The following FOXK2 variants were observed in gnomAD, a reference collection of about 807,000 sequenced individuals.
FOXK2 encodes forkhead box K2.
A neutral mutation model predicts 53.3 loss-of-function variants in FOXK2; 24 were observed. The observed-to-expected ratio is 0.45, with a 90% CI of 0.33 to 0.63. The LOEUF is 0.63. FOXK2 is among the 30% of genes least tolerant of loss of function. The probability of loss-of-function intolerance (pLI) is 0.03; values close to 1 mark genes in which losing one functional copy is unlikely to be tolerated. For missense variants in FOXK2, 952 were observed against 910.5 expected, an observed-to-expected ratio of 1.05 and a Z score of -0.59; for synonymous variants, 505 against 407.1, an observed-to-expected ratio of 1.24 and a Z score of -2.89.
In FOXK2 at chr17:82,601,747, CT is replaced by C. The variant is rs1275089406; in HGVS notation, c.*249del. On this transcript the variant is annotated 3_prime_UTR_variant, in exon 9 of 9. Coordinates refer to ENST00000335255, the MANE Select transcript of FOXK2 (RefSeq NM_004514.4). ...AGCACCTGCTGGGCTGAGCTTCTAC[CT>C]ACGAGTGAAACTCTGTCCTCCCGCG... 9 of 421,030 alleles carry C rather than the reference CT, an allele frequency of 2.1e-5. No homozygotes were observed. Among genetic ancestry groups the C allele is most frequent in the African/African-American group, 1.8e-4 (9 of 51,074 alleles). 26.1% of individuals were successfully genotyped at this position (421,030 alleles called of 1,614,324 possible). A position where few individuals can be genotyped will look rare whatever the true frequency, so the allele number is the denominator to read the frequency against.
intron 1 of FOXK2, among the ~76,000 whole-genome samples, chr17:82,556,421 G>C (rs2044725005): frequency 6.6e-6 from 1 of 151,458 alleles, no homozygotes; most frequent in Non-Finnish European, 1.5e-5. Flanking sequence ...TCCAGTCTGG[G>C]CAATAGAGTG....
At chr17:82,599,021 C>T (rs978113720) in intron 8 of FOXK2, 5 of 152,078 alleles carry the variant, frequency 3.3e-5, no homozygotes, top group African/African-American at 4.8e-5. Flanking sequence ...CCTGCCCTCT[C>T]GTTGGGCTCC....
chr17:82,601,585 GCC>G lies in FOXK2; in HGVS notation c.*88_*89del. On this transcript the variant is annotated 3_prime_UTR_variant, in exon 9 of 9. Coordinates refer to ENST00000335255, the MANE Select transcript of FOXK2 (RefSeq NM_004514.4). ...TCCCGCCAGCACTCGGGGGTGCAGG[GCC>G]CTGTGGTTGGACTTCACCTCTCAGC... The G allele has an allele frequency of 1.5e-6, 2 of 1,372,328 alleles. No individual in the cohort carries two copies. Among genetic ancestry groups the G allele is most frequent in the Non-Finnish European group, 1.9e-6 (2 of 1,026,044 alleles). The allele number at this position is 1,372,328 out of a possible 1,614,324, so 85.0% of individuals were successfully genotyped here.
chr17:82,584,246 TGGGCTC>T, intron 6 of FOXK2, 58 bp downstream of exon 6: 5 of 1,478,592 alleles, frequency 3.4e-6, no homozygotes, highest in African/African-American at 1.4e-5. Context: ...CGCGGACGCC[TGGGCTC>T]CACAGAGAAG....
chr17:82,539,560 G>A (rs1378395603), intron 1 of FOXK2, among the ~76,000 whole-genome samples: 1 of 151,962 alleles, frequency 6.6e-6, no homozygotes, highest in Admixed American at 6.6e-5. Flanking sequence ...GAGGTGGGAG[G>A]ATTGCTTGAA....
chr17:82,546,305 CG>C (rs2044625112), intron 1 of FOXK2, among the ~76,000 whole-genome samples: 1 of 151,826 alleles, frequency 6.6e-6, no homozygotes, highest in African/African-American at 2.4e-5. Context: ...TTGGTAGAGA[CG>C]GGATTTCGCC....
chr17:82,585,873 T>C (rs1370766061), intron 6 of FOXK2, 31 bp from the exon 7 acceptor site: 10 of 1,589,996 alleles, frequency 6.3e-6, no homozygotes, highest in Non-Finnish European at 7.7e-6. Context: ...TCAGTATCTG[T>C]AAGTGTCAGT....
intron 1 of FOXK2, among the ~76,000 whole-genome samples, chr17:82,550,224 T>A (rs2044662934): frequency 6.6e-6 from 1 of 152,132 alleles, no homozygotes; most frequent in Non-Finnish European, 1.5e-5. Flanking sequence ...ACAAAGAGCT[T>A]CTTTATGTCT....
chr17:82,527,487 G>GGC (rs1031703056), intron 1 of FOXK2, among the ~76,000 whole-genome samples: 9 of 152,174 alleles, frequency 5.9e-5, no homozygotes, highest in Admixed American at 2.0e-4. Flanking sequence ...AAATTAACTG[G>GGC]GCATGGTGGC....
At chr17:82,534,301 T>C (rs1470853758) in intron 1 of FOXK2, among the ~76,000 whole-genome samples, 2 of 152,192 alleles carry the variant, frequency 1.3e-5, no homozygotes, top group Non-Finnish European at 2.9e-5. Flanking sequence ...GAAGCCTGGC[T>C]GCACATGGAC....
rs2045418336 is a variant in FOXK2 at position 82,603,978 on chromosome 17, T to G, written c.*2479T>G. On this transcript the variant is annotated 3_prime_UTR_variant, in exon 9 of 9. Coordinates refer to ENST00000335255, the MANE Select transcript of FOXK2 (RefSeq NM_004514.4). ...TCTAAATTTTGAACTTAGCTCTGAA[T>G]CCCCAAGAACTTGAGCACAGCAAGG... The G allele has an allele frequency of 6.6e-6, 1 of 152,214 alleles. No individual in the cohort carries two copies. Among genetic ancestry groups the G allele is most frequent in the East Asian group, 1.9e-4 (1 of 5,200 alleles). The allele number at this position is 152,214 out of a possible 1,614,324, so 9.4% of individuals were successfully genotyped here.
At chr17:82,536,842 ATCT>A (rs2044525434) in intron 1 of FOXK2, among the ~76,000 whole-genome samples, 1 of 152,212 alleles carries the variant, frequency 6.6e-6, no homozygotes, top group Non-Finnish European at 1.5e-5. Context: ...TGGGACTGTA[ATCT>A]TCTGCCCCAG....
intron 1 of FOXK2, among the ~76,000 whole-genome samples, chr17:82,560,445 G>A (rs1186764034): frequency 3.9e-5 from 6 of 152,164 alleles, no homozygotes; most frequent in Non-Finnish European, 8.8e-5. Flanking sequence ...TGTTATTTAA[G>A]GGAAGCGGTC....
intron 1 of FOXK2, chr17:82,559,577 A>G: frequency 9.2e-6 from 4 of 435,108 alleles, no homozygotes; most frequent in South Asian, 6.4e-5. Context: ...GTGGGAGTCT[A>G]GGGTGGCTTT....
At chr17:82,544,969 T>TA (rs397954125) in intron 1 of FOXK2, among the ~76,000 whole-genome samples, 4,281 of 145,062 alleles carry the variant, frequency 0.03, 64 homozygotes, top group South Asian at 0.09. Flanking sequence ...AAAAAATAAT[T>TA]AAAAAAAAAA....
At chr17:82,540,888 C>G (rs577869502) in intron 1 of FOXK2, among the ~76,000 whole-genome samples, 1 of 152,234 alleles carries the variant, frequency 6.6e-6, no homozygotes, top group South Asian at 2.1e-4. Flanking sequence ...AACAGAAAAG[C>G]CTTTTTATGT....
At chr17:82,560,874 C>T (rs115678130) in intron 1 of FOXK2, among the ~76,000 whole-genome samples, 1,919 of 152,190 alleles carry the variant, frequency 0.013, 31 homozygotes, top group African/African-American at 0.043. Context: ...TGCGGAGGAT[C>T]GCTTGAGCCT....
chr17:82,529,812 G>T (rs562027946), intron 1 of FOXK2, among the ~76,000 whole-genome samples: 1 of 152,168 alleles, frequency 6.6e-6, no homozygotes, highest in Non-Finnish European at 1.5e-5. Flanking sequence ...ATCCCTGGTT[G>T]TAAGAAGATA....
chr17:82,555,974 T>A (rs1386202748), intron 1 of FOXK2, among the ~76,000 whole-genome samples: 1 of 149,570 alleles, frequency 6.7e-6, no homozygotes, highest in African/African-American at 2.5e-5. Flanking sequence ...CCCCCACGCC[T>A]GTCATATGAT....
Sources: allele counts gnomAD v4.1 joint callset (sites outside exome capture counted in the v4.1 genomes callset), GRCh38; gene constraint gnomAD v4.1.1; transcripts MANE v1.5; gene names NCBI Gene and HGNC (gene_info 2026-07-23, HGNC 2026-07-21).